C6orf89: variants seen among roughly 807,000 people sequenced by gnomAD.
C6orf89 encodes chromosome 6 open reading frame 89.
In C6orf89, 29 loss-of-function variants were observed where a neutral mutation model predicts 40.7. The observed-to-expected ratio is 0.71, with a 90% CI of 0.53 to 0.97. The LOEUF (loss-of-function observed/expected upper bound fraction) is 0.97. C6orf89 is among the 50% of genes least tolerant of loss of function. The pLI is 0.00. For synonymous variants in C6orf89, 165 were observed against 152.2 expected, an observed-to-expected ratio of 1.08 and a Z score of -0.62; for missense variants, 392 against 429.1, an observed-to-expected ratio of 0.91 and a Z score of 0.76.
chr6:36,892,939 T>A (rs1405096197), intron 1 of C6orf89: 1 of 93,562 alleles, frequency 1.1e-5, no homozygotes, highest in Non-Finnish European at 2.4e-5. Flanking sequence ...ATGTTTGAAT[T>A]TTTTTTTTTT....
intron 1 of C6orf89, among the ~76,000 whole-genome samples, chr6:36,878,651 C>A (rs1774723503): frequency 6.6e-6 from 1 of 151,334 alleles, no homozygotes; most frequent in Admixed American, 6.6e-5. Context: ...GAACTATAAC[C>A]TAGCTTTATA....
intron 1 of C6orf89, among the ~76,000 whole-genome samples, chr6:36,874,203 A>G (rs187758454): frequency 1.6e-3 from 247 of 152,366 alleles, no homozygotes; most frequent in African/African-American, 5.4e-3. Context: ...GAGATGACAT[A>G]CAGCGGGGCA....
intron 4 of C6orf89, among the ~76,000 whole-genome samples, chr6:36,913,336 G>A (rs1762193839): frequency 6.6e-6 from 1 of 152,174 alleles, no homozygotes; most frequent in African/African-American, 2.4e-5. Flanking sequence ...TCCTGAGCTG[G>A]GATAGAGGGC....
At chr6:36,878,248 G>A (rs927459880) in intron 1 of C6orf89, among the ~76,000 whole-genome samples, 2 of 152,082 alleles carry the variant, frequency 1.3e-5, no homozygotes, top group African/African-American at 4.8e-5. Context: ...TTCTGGTTTT[G>A]GTCTCTCTAT....
intron 3 of C6orf89, 50 bp downstream of exon 3, chr6:36,899,683 C>T (rs1761587974): frequency 6.5e-7 from 1 of 1,534,476 alleles, no homozygotes. Flanking sequence ...ACAAACTGTT[C>T]AACATTCTTC....
rs1761905306 is a variant in C6orf89 at position 36,905,814 on chromosome 6, C to T, written c.403+3380C>T. Among the ~76,000 whole-genome samples, 3 of 152,256 alleles carry T rather than the reference C, an allele frequency of 2.0e-5. 1 individual carries two copies. The highest frequency in any genetic ancestry group is 6.8e-3 in the Middle Eastern group (2 of 294). ...AAAGAATTTTAGAGTTAATCTAGTACATACCCCATTTTATAAAAGAGGTAA... is the reference window on the plus strand; with the variant it reads ...AAAGAATTTTAGAGTTAATCTAGTATATACCCCATTTTATAAAAGAGGTAA... On this transcript the variant is annotated intron_variant, in intron 4 of 8. Coordinates refer to ENST00000480824, the MANE Select transcript of C6orf89 (RefSeq NM_001286635.2).
intron 4 of C6orf89, 116 bp downstream of exon 4, chr6:36,902,550 T>A: frequency 1.2e-6 from 1 of 863,146 alleles, no homozygotes; most frequent in African/African-American, 1.7e-5. Flanking sequence ...TTGTATCTTT[T>A]AATTCAGTCC....
At chr6:36,912,680 A>G (rs1264556788) in intron 4 of C6orf89, among the ~76,000 whole-genome samples, 1 of 152,138 alleles carries the variant, frequency 6.6e-6, no homozygotes, top group African/African-American at 2.4e-5. Flanking sequence ...TCCTCTGACT[A>G]ATAATCTTCC....
At position 36,885,954 on chromosome 6, in the gene C6orf89, G is replaced by A; in HGVS notation, c.-194G>A. The A allele has an allele frequency of 7.9e-7, 1 of 1,263,092 alleles. No homozygotes were observed. Among genetic ancestry groups the A allele is most frequent in the African/African-American group, 1.5e-5 (1 of 64,686 alleles). The allele number at this position is 1,263,092 out of a possible 1,614,324, so 78.2% of individuals were successfully genotyped here. On this transcript the variant is annotated 5_prime_UTR_variant, in exon 1 of 9. Coordinates refer to ENST00000480824, the MANE Select transcript of C6orf89 (RefSeq NM_001286635.2). ...TTCCGGGTCGCGCTCCCGGAAACAG[G>A]AAGTTGCCCATCCTCCTCGCCCGGC...
rs1193934333 is a variant in C6orf89, at chr6:36,924,530, T to C, written c.*1089T>C. On this transcript the variant is annotated 3_prime_UTR_variant, in exon 9 of 9. Transcript: ENST00000480824. The stretch of plus-strand genomic sequence containing the variant: ...CAAGGTGAGGTGTTTTTCTTTTTTG[T>C]AATAATATAAAGCTGTGTGTTTCTG... 6.6e-6 allele frequency: 1 copy of C among 152,238 alleles called. No individual in the cohort carries two copies. The highest frequency in any genetic ancestry group is 6.5e-5 in the Admixed American group (1 of 15,276). The allele number at this position is 152,238 out of a possible 1,614,324, so 9.4% of individuals were successfully genotyped here.
chr6:36,886,234 C>G (rs1251675761), intron 1 of C6orf89, among the ~76,000 whole-genome samples: 1 of 152,244 alleles, frequency 6.6e-6, no homozygotes, highest in Admixed American at 6.5e-5. Context: ...CTTAAGACAT[C>G]TGTCACTTTC....
chr6:36,886,766 C>T (rs1280472737), intron 1 of C6orf89, among the ~76,000 whole-genome samples: 2 of 152,142 alleles, frequency 1.3e-5, no homozygotes, highest in African/African-American at 4.8e-5. Context: ...TTGGTAGTTC[C>T]TGTGGTGGGA....
chr6:36,911,826 G>A lies in C6orf89; in HGVS notation c.404-2458G>A, dbSNP rs542220394. ...CAGTATAGTGCAAACATTCACAGTA[G>A]TGCTCCTTGGGGCTGTAGATTTCAT... On this transcript the variant is annotated intron_variant, in intron 4 of 8. Transcript: ENST00000480824. Among the ~76,000 whole-genome samples the A allele has an allele frequency of 2.0e-5, 3 of 151,986 alleles. No homozygotes were observed. In the East Asian group the frequency reaches 5.8e-4, roughly 29 times the overall value.
chr6:36,895,563 C>G (rs1468051646), intron 2 of C6orf89, among the ~76,000 whole-genome samples: 2 of 152,180 alleles, frequency 1.3e-5, no homozygotes, highest in Admixed American at 6.5e-5. Flanking sequence ...AAAGATGTGT[C>G]TATTCCTGAC....
chr6:36,915,926 A>G (rs1355644459), intron 6 of C6orf89, among the ~76,000 whole-genome samples: 1 of 152,198 alleles, frequency 6.6e-6, no homozygotes, highest in East Asian at 1.9e-4. Flanking sequence ...TTTCGAAAGA[A>G]TTAAAATGAC....
rs1286912644 is a variant in C6orf89 at position 36,876,474 on chromosome 6, T to G, written c.-627-2534T>G. On this transcript the variant is annotated intron_variant, in intron 1 of 9. Transcript: ENST00000359359. ...GGTGCAGTGGCTGACACCTGTAATCTGGCACTTTCGGAGGCCGAGGCGGGC... is the reference window on the plus strand; with the variant it reads ...GGTGCAGTGGCTGACACCTGTAATCGGGCACTTTCGGAGGCCGAGGCGGGC... 2.6e-5 allele frequency among the ~76,000 whole-genome samples: 4 copies of G among 152,236 alleles called. No homozygotes were observed. In the East Asian group the frequency reaches 7.7e-4, roughly 29 times the overall value.
intron 1 of C6orf89, among the ~76,000 whole-genome samples, chr6:36,893,059 C>T (rs1380229026): frequency 6.6e-6 from 1 of 152,090 alleles, no homozygotes; most frequent in Non-Finnish European, 1.5e-5. Flanking sequence ...CTCAGCCTCC[C>T]AAGTAGCTGG....
At chr6:36,874,868 A>G in intron 1 of C6orf89, 1 of 1,392,590 alleles carries the variant, frequency 7.2e-7, no homozygotes, top group Non-Finnish European at 1.0e-6. Flanking sequence ...GGTCCGTTCA[A>G]CCCTTTCGAT....
intron 6 of C6orf89, among the ~76,000 whole-genome samples, chr6:36,915,587 T>C (rs542799762): frequency 6.6e-6 from 1 of 152,002 alleles, no homozygotes; most frequent in Non-Finnish European, 1.5e-5. Context: ...ACAAAAAATA[T>C]CCAAGCTACT....
Sources: gnomAD v4.1 joint callset for allele counts (sites outside exome capture counted in the v4.1 genomes callset) on GRCh38, gnomAD v4.1.1 for gene constraint, MANE v1.5 for transcripts, NCBI Gene and HGNC (gene_info 2026-07-23, HGNC 2026-07-21) for gene names.